MNAT1: variants seen among roughly 807,000 people sequenced by gnomAD.
MNAT1 encodes the protein CDK-activating kinase assembly factor MAT1.
Under a neutral mutation model 42.0 loss-of-function variants are expected in MNAT1, and 43 were observed. That is an observed-to-expected ratio of 1.02 (90% CI 0.80 to 1.32). MNAT1 has a LOEUF of 1.32. Ranked by LOEUF, MNAT1 falls within the 40% of genes most tolerant of loss-of-function variation. The probability of loss-of-function intolerance (pLI) is 0.00; values close to 1 mark genes in which losing one functional copy is unlikely to be tolerated. For missense variants in MNAT1, 306 were observed against 350.4 expected, an observed-to-expected ratio of 0.87 and a Z score of 1.01; for synonymous variants, 118 against 120.0, an observed-to-expected ratio of 0.98 and a Z score of 0.11.
intron 7 of MNAT1, among the ~76,000 whole-genome samples, chr14:60,908,067 C>A (rs1478661068): frequency 1.3e-5 from 2 of 152,086 alleles, no homozygotes; most frequent in East Asian, 3.9e-4. Flanking sequence ...TAAAAACAAC[C>A]AATTTTAATG....
intron 1 of MNAT1, among the ~76,000 whole-genome samples, chr14:60,767,159 T>C (rs777538226): frequency 9.2e-5 from 14 of 152,184 alleles, no homozygotes; most frequent in Non-Finnish European, 1.3e-4. Context: ...CACTTTTGGA[T>C]TGGAAATGCA....
At chr14:60,875,338 C>T (rs1240166230) in intron 6 of MNAT1, among the ~76,000 whole-genome samples, 1 of 151,954 alleles carries the variant, frequency 6.6e-6, no homozygotes, top group Admixed American at 6.6e-5. Context: ...TCTATGTGAC[C>T]TTAGAAAAAT....
intron 1 of MNAT1, among the ~76,000 whole-genome samples, chr14:60,782,906 G>A (rs1303040260): frequency 6.6e-6 from 1 of 152,122 alleles, no homozygotes; most frequent in Non-Finnish European, 1.5e-5. Flanking sequence ...ACATAACTTT[G>A]TTCTGTTGTT....
chr14:60,762,933 A>G (rs563772057), intron 1 of MNAT1, among the ~76,000 whole-genome samples: 1 of 152,176 alleles, frequency 6.6e-6, no homozygotes, highest in Non-Finnish European at 1.5e-5. Flanking sequence ...AGTTTGGTTT[A>G]TCAGTTGTTG....
At chr14:60,808,242 T>G in intron 3 of MNAT1, 83 bp from the exon 4 acceptor site, 2 of 763,220 alleles carry the variant, frequency 2.6e-6, no homozygotes, top group Non-Finnish European at 4.1e-6. Flanking sequence ...AACAAATGAG[T>G]CACTGTGGTA....
chr14:60,770,259 G>C (rs899444629), intron 1 of MNAT1, among the ~76,000 whole-genome samples: 1 of 152,074 alleles, frequency 6.6e-6, no homozygotes, highest in Non-Finnish European at 1.5e-5. Flanking sequence ...GCATGTGACA[G>C]GATTTCCTTT....
chr14:60,897,900 G>T (rs182039887), intron 7 of MNAT1, among the ~76,000 whole-genome samples: 1 of 151,444 alleles, frequency 6.6e-6, no homozygotes, highest in African/African-American at 2.4e-5. Flanking sequence ...TTTCCTTTCC[G>T]CCCTCACACC....
intron 6 of MNAT1, among the ~76,000 whole-genome samples, chr14:60,823,188 G>T (rs2032949468): frequency 6.6e-6 from 1 of 152,180 alleles, no homozygotes; most frequent in Admixed American, 6.5e-5. Flanking sequence ...CAACAACCTT[G>T]AAGACTGACA....
At chr14:60,887,203 G>GT (rs71114163) in intron 7 of MNAT1, among the ~76,000 whole-genome samples, 2 of 150,958 alleles carry the variant, frequency 1.3e-5, no homozygotes, top group African/African-American at 4.9e-5. Context: ...TATCAGAGCT[G>GT]TTTTTTTTTC....
chr14:60,754,482 G>C (rs1229691973), intron 1 of MNAT1, among the ~76,000 whole-genome samples: 1 of 151,866 alleles, frequency 6.6e-6, no homozygotes, highest in South Asian at 2.1e-4. Flanking sequence ...TGAGTAGCTG[G>C]GACTACAGGC....
intron 3 of MNAT1, among the ~76,000 whole-genome samples, chr14:60,800,160 T>C (rs1364586130): frequency 6.6e-6 from 1 of 151,340 alleles, no homozygotes; most frequent in East Asian, 1.9e-4. Flanking sequence ...TTTAATATTA[T>C]ATGTAATTTA....
chr14:60,891,616 T>C (rs1057357480), intron 7 of MNAT1, among the ~76,000 whole-genome samples: 3 of 152,060 alleles, frequency 2.0e-5, no homozygotes, highest in Admixed American at 6.6e-5. Flanking sequence ...CATTCCTGGC[T>C]AATTTTTTGT....
Position 60,907,189 on chromosome 14 carries a change from C to A in MNAT1, c.809+27354C>A, listed in dbSNP as rs2035217910. Among the ~76,000 whole-genome samples, 3 of 152,084 alleles carry A rather than the reference C, an allele frequency of 2.0e-5. No individual in the cohort carries two copies. In the South Asian group the frequency reaches 6.2e-4, roughly 32 times the overall value. On this transcript the variant is annotated intron_variant, in intron 7 of 7. Transcript: ENST00000261245. ...GGACACGGTGGTTCACACCTGTAAT[C>A]CCAACACCCTCGAGGCAGGTGGATC...
At chr14:60,820,737 A>G (rs963493371) in intron 6 of MNAT1, among the ~76,000 whole-genome samples, 2 of 152,138 alleles carry the variant, frequency 1.3e-5, no homozygotes, top group Non-Finnish European at 2.9e-5. Context: ...TGTGTACCCC[A>G]TAATCTAGTC....
chr14:60,935,962 G>GA (rs1276225007), intron 7 of MNAT1, among the ~76,000 whole-genome samples: 2 of 151,998 alleles, frequency 1.3e-5, no homozygotes, highest in African/African-American at 4.8e-5. Context: ...GGCTAAAAGG[G>GA]AAAAAAAGAA....
chr14:60,900,084 T>TCTCTCTCTA, intron 7 of MNAT1, among the ~76,000 whole-genome samples: 1 of 42,058 alleles, frequency 2.4e-5, no homozygotes, highest in African/African-American at 7.0e-5. Context: ...CTCTCTCTCT[T>TCTCTCTCTA]ACCTTGGACT....
intron 7 of MNAT1, among the ~76,000 whole-genome samples, chr14:60,935,558 T>G (rs1165795252): frequency 6.6e-6 from 1 of 152,170 alleles, no homozygotes; most frequent in Non-Finnish European, 1.5e-5. Context: ...TTTCAGTATT[T>G]TAAATTCATT....
At chr14:60,915,187 A>T (rs563235887) in intron 7 of MNAT1, among the ~76,000 whole-genome samples, 3 of 152,214 alleles carry the variant, frequency 2.0e-5, no homozygotes, top group African/African-American at 4.8e-5. Flanking sequence ...TTACCTCTGT[A>T]TTTCTAAATA....
intron 7 of MNAT1, among the ~76,000 whole-genome samples, chr14:60,908,648 G>A (rs1372134059): frequency 2.6e-5 from 4 of 152,142 alleles, no homozygotes; most frequent in African/African-American, 4.8e-5. Flanking sequence ...TAAAGGACAC[G>A]AACTCATCAC....
Sources: allele counts gnomAD v4.1 joint callset (sites outside exome capture counted in the v4.1 genomes callset), GRCh38; gene constraint gnomAD v4.1.1; transcripts MANE v1.5; gene names NCBI Gene and HGNC (gene_info 2026-07-23, HGNC 2026-07-21).